Variants in INTS13 observed in about 807,000 individuals in gnomAD.
INTS13 encodes the protein integrator complex subunit 13.
Under a neutral mutation model 90.2 loss-of-function variants are expected in INTS13, and 35 were observed. The observed-to-expected ratio is 0.39, with a 90% CI of 0.30 to 0.51. The LOEUF (loss-of-function observed/expected upper bound fraction) is 0.51. INTS13 is among the 20% of genes least tolerant of loss of function. The probability of loss-of-function intolerance (pLI) is 0.80; values close to 1 mark genes in which losing one functional copy is unlikely to be tolerated. For synonymous variants in INTS13, 309 were observed against 277.1 expected (o/e 1.11, Z -1.14); for missense variants, 601 against 851.2 (o/e 0.71, Z 3.66).
intron 14 of INTS13, among the ~76,000 whole-genome samples, chr12:26,913,235 A>G (rs1322128956): frequency 1.3e-5 from 2 of 152,236 alleles, no homozygotes; most frequent in African/African-American, 2.4e-5. Context: ...GTTAATTAGG[A>G]AAAACTAACA....
In INTS13 at chr12:26,914,144, TAAAGAAA is replaced by T; in HGVS notation, c.1420-23_1420-17del. 2 of 1,549,442 alleles carry T rather than the reference TAAAGAAA, an allele frequency of 1.3e-6. No individual in the cohort carries two copies. The highest frequency in any genetic ancestry group is 1.7e-6 in the Non-Finnish European group (2 of 1,155,914). On this transcript the variant is annotated splice_polypyrimidine_tract_variant and intron_variant, in intron 12 of 16. Coordinates refer to ENST00000261191, the MANE Select transcript of INTS13 (RefSeq NM_018164.3). ...ATGGAACTACCTGTTAGATTTTTTT[TAAAGAAA>T]AAAGAAAATCTGTCTTGAAAAATAA...
chr12:26,931,044 A>C (rs1938159663), intron 3 of INTS13, among the ~76,000 whole-genome samples: 1 of 152,314 alleles, frequency 6.6e-6, no homozygotes. Flanking sequence ...TACTAATCAC[A>C]AACATTTTAA....
intron 14 of INTS13, 102 bp from the exon 15 acceptor site, chr12:26,911,419 C>T (rs1043669987): frequency 1.2e-5 from 12 of 996,274 alleles, no homozygotes; most frequent in Non-Finnish European, 1.7e-5. Context: ...TAAAAGATGG[C>T]TAATCTCATA....
rs763495465 is a variant in INTS13, at chr12:26,928,910, G to A, written c.301-5C>T. ...AGCGGCTAATGCTGCCATTAGCTAAGTAAAAGGGAAAACAATTATGTTGAC... is the reference window on the plus strand; with the variant it reads ...AGCGGCTAATGCTGCCATTAGCTAAATAAAAGGGAAAACAATTATGTTGAC... On this transcript the variant is annotated splice_region_variant and splice_polypyrimidine_tract_variant and intron_variant, in intron 3 of 16. Transcript: ENST00000261191. 74 of 1,613,294 alleles carry A rather than the reference G, an allele frequency of 4.6e-5. No homozygotes were observed. The South Asian group carries it at 8.1e-4, about 18-fold the overall frequency.
At chr12:26,933,820 A>G (rs1302620005) in intron 3 of INTS13, among the ~76,000 whole-genome samples, 1 of 152,174 alleles carries the variant, frequency 6.6e-6, no homozygotes, top group Non-Finnish European at 1.5e-5. Flanking sequence ...GCATGAGAAA[A>G]AGCAGCAATG....
At chr12:26,934,011 T>C (rs1261403528) in intron 3 of INTS13, among the ~76,000 whole-genome samples, 1 of 152,166 alleles carries the variant, frequency 6.6e-6, no homozygotes, top group Non-Finnish European at 1.5e-5. Context: ...AATTCTGACA[T>C]ATTAATATTG....
intron 2 of INTS13, 37 bp from the exon 3 acceptor site, chr12:26,934,667 T>C (rs150478994): frequency 1.7e-4 from 237 of 1,402,188 alleles, no homozygotes; most frequent in Non-Finnish European, 1.8e-4. Context: ...TATTCAACTC[T>C]AATTTCACTC....
chr12:26,926,565 A>C (rs2137525569), intron 5 of INTS13, among the ~76,000 whole-genome samples: 1 of 152,330 alleles, frequency 6.6e-6, no homozygotes, highest in East Asian at 1.9e-4. Flanking sequence ...ACTCTAAAAA[A>C]GTCCACATTG....
At chr12:26,918,880 A>G (rs1218526291) in intron 8 of INTS13, among the ~76,000 whole-genome samples, 5 of 152,198 alleles carry the variant, frequency 3.3e-5, no homozygotes, top group African/African-American at 1.2e-4. Context: ...AATTAAGTAA[A>G]GAAATGGAAC....
At chr12:26,910,039 C>T (rs1005026792) in intron 15 of INTS13, among the ~76,000 whole-genome samples, 4 of 152,144 alleles carry the variant, frequency 2.6e-5, no homozygotes, top group Admixed American at 2.0e-4. Context: ...TCAGGAGCTG[C>T]CAATCCCAAA....
Position 26,925,848 on chromosome 12 carries a change from G to C in INTS13, c.588C>G (p.Leu196=). 6.2e-7 allele frequency: 1 copy of C among 1,609,068 alleles called. No individual in the cohort carries two copies. The highest frequency in any genetic ancestry group is 1.1e-5 in the South Asian group (1 of 90,456). The change falls in exon 6 of 17, where the codon CTC becomes CTG. Residue 196 remains leucine, a synonymous_variant. Transcript: ENST00000261191. ...HNKLAANSDH[L]MQIQKCELVL... Reference sequence around the variant, plus strand: ...CCAACTCACATTTTTGAATCTGCATGAGACTTAAAGAGAAATTTTTGACTT... The same window carrying C: ...CCAACTCACATTTTTGAATCTGCATCAGACTTAAAGAGAAATTTTTGACTT...
chr12:26,934,208 T>G (rs1318059996), intron 3 of INTS13, among the ~76,000 whole-genome samples: 1 of 152,060 alleles, frequency 6.6e-6, no homozygotes, highest in Non-Finnish European at 1.5e-5. Flanking sequence ...CTGGGAGAGG[T>G]TGCAGTGAGC....
At chr12:26,922,727 A>C (rs1359057428) in intron 7 of INTS13, 27 bp from the exon 8 acceptor site, 2 of 1,481,844 alleles carry the variant, frequency 1.3e-6, no homozygotes, top group Admixed American at 2.2e-5. Context: ...AAACATTTTA[A>C]AAAACTTGGT....
At chr12:26,936,852 A>G (rs1938489465) in intron 1 of INTS13, 38 bp from the exon 2 acceptor site, 1 of 1,321,420 alleles carries the variant, frequency 7.6e-7, no homozygotes, top group Non-Finnish European at 1.1e-6. Flanking sequence ...ATATTTGTAC[A>G]TAACATCTTA....
intron 15 of INTS13, among the ~76,000 whole-genome samples, chr12:26,910,329 T>G (rs1592196878): frequency 6.6e-6 from 1 of 152,286 alleles, no homozygotes; most frequent in South Asian, 2.1e-4. Flanking sequence ...AAACACAAAC[T>G]TTATATGCTT....
chr12:26,917,772 T>TG (rs776680838), intron 8 of INTS13, 39 bp from the exon 9 acceptor site: 1 of 1,425,998 alleles, frequency 7.0e-7, no homozygotes, highest in South Asian at 1.1e-5. Flanking sequence ...ATTGTATACA[T>TG]GTATCAAAAC....
chr12:26,934,056 T>C (rs1422185511), intron 3 of INTS13, among the ~76,000 whole-genome samples: 1 of 152,158 alleles, frequency 6.6e-6, no homozygotes, highest in Admixed American at 6.5e-5. Context: ...ATTAGACATA[T>C]GAAGGTCAGA....
At position 26,931,139 on chromosome 12, in the gene INTS13, T is replaced by TA. The variant is rs201302152; in HGVS notation, c.301-2235dup. Reference sequence around the variant, plus strand: ...GGAGAACAATAAAATAAAATTAAATTAAAAAAAAAAACAGAAAAAGAAGCC... The same window carrying TA: ...GGAGAACAATAAAATAAAATTAAATTAAAAAAAAAAAACAGAAAAAGAAGCC... On this transcript the variant is annotated intron_variant, in intron 3 of 16. Coordinates refer to ENST00000261191, the MANE Select transcript of INTS13 (RefSeq NM_018164.3). Among the ~76,000 whole-genome samples, 466 of 145,018 alleles carry TA rather than the reference T, an allele frequency of 3.2e-3. 1 individual carries two copies. Among genetic ancestry groups the TA allele is most frequent in the Middle Eastern group, 0.011 (3 of 280 alleles).
At chr12:26,914,785 T>A (rs1451998835) in intron 11 of INTS13, among the ~76,000 whole-genome samples, 1 of 152,216 alleles carries the variant, frequency 6.6e-6, no homozygotes, top group African/African-American at 2.4e-5. Flanking sequence ...GAAGAAAGCC[T>A]CAAACATAAA....
Sources: allele counts gnomAD v4.1 joint callset (sites outside exome capture counted in the v4.1 genomes callset), GRCh38; gene constraint gnomAD v4.1.1; transcripts MANE v1.5; gene names NCBI Gene and HGNC (gene_info 2026-07-23, HGNC 2026-07-21).